The following SV2C variants were observed in gnomAD, a reference collection of about 807,000 sequenced individuals.
The protein encoded by SV2C is synaptic vesicle glycoprotein 2C, also known as solute carrier family 22 member B3.
Under a neutral mutation model 79.7 loss-of-function variants are expected in SV2C, and 49 were observed. The observed-to-expected ratio is 0.61, with a 90% CI of 0.49 to 0.78. The LOEUF is 0.78. Among genes scored for constraint, SV2C ranks in the 30% least tolerant of loss-of-function variants. SV2C has a pLI of 0.00. For synonymous variants in SV2C, 334 were observed against 333.2 expected, an observed-to-expected ratio of 1.00 and a Z score of -0.03; for missense variants, 833 against 912.9, an observed-to-expected ratio of 0.91 and a Z score of 1.13.
In SV2C at chr5:76,159,370, A is replaced by G. The variant is rs115722768; in HGVS notation, c.580+27040A>G. ...ATTTGCAAGTAACATAATCGTGTAT[A>G]TGGAAAATCCCAGGGACTCCACTAA... On this transcript the variant is annotated intron_variant, in intron 2 of 12. Coordinates refer to ENST00000502798, the MANE Select transcript of SV2C (RefSeq NM_014979.4). Among the ~76,000 whole-genome samples, 1,242 of 152,230 alleles carry G rather than the reference A, an allele frequency of 8.2e-3. 12 individuals are homozygous for G. Among genetic ancestry groups the G allele is most frequent in the African/African-American group, 0.026 (1,100 of 41,568 alleles).
chr5:76,200,108 C>T (rs187213652), intron 3 of SV2C, among the ~76,000 whole-genome samples: 5 of 152,298 alleles, frequency 3.3e-5, no homozygotes, highest in African/African-American at 1.2e-4. Context: ...CCAGTCAGAG[C>T]AGGGGCTTAT....
intron 6 of SV2C, among the ~76,000 whole-genome samples, chr5:76,290,504 A>G (rs1167810075): frequency 6.6e-6 from 1 of 152,094 alleles, no homozygotes; most frequent in African/African-American, 2.4e-5. Flanking sequence ...ATTTTTTTCT[A>G]TTTTCAGGAT....
chr5:75,915,130 A>G, the SV2C span, among the ~76,000 whole-genome samples: 1 of 152,178 alleles, frequency 6.6e-6, no homozygotes, highest in Non-Finnish European at 1.5e-5. Context: ...GAATTGTGGG[A>G]GTCACAATTC....
chr5:76,002,881 A>G, the SV2C span, among the ~76,000 whole-genome samples: 1 of 151,916 alleles, frequency 6.6e-6, no homozygotes, highest in South Asian at 2.1e-4. Context: ...TTTTTAAAAT[A>G]TGTAAATAAA....
chr5:76,111,429 A>G (rs538287069), intron 1 of SV2C, among the ~76,000 whole-genome samples: 2 of 152,348 alleles, frequency 1.3e-5, no homozygotes, highest in East Asian at 3.9e-4. Flanking sequence ...AGAAATTGAA[A>G]GAAGGTAAAG....
intron 4 of SV2C, among the ~76,000 whole-genome samples, chr5:76,238,462 T>C (rs781126601): frequency 6.6e-6 from 1 of 152,098 alleles, no homozygotes; most frequent in Non-Finnish European, 1.5e-5. Flanking sequence ...TGTCTGTCCT[T>C]CTGAGTTTCT....
At chr5:75,935,683 T>A in the SV2C span, among the ~76,000 whole-genome samples, 4 of 152,122 alleles carry the variant, frequency 2.6e-5, no homozygotes, top group Non-Finnish European at 5.9e-5. Context: ...AACGAATAAA[T>A]ATAGTATTAT....
At chr5:76,199,232 A>G (rs1363475221) in intron 3 of SV2C, among the ~76,000 whole-genome samples, 2 of 152,190 alleles carry the variant, frequency 1.3e-5, no homozygotes, top group Non-Finnish European at 2.9e-5. Context: ...ACCATGTTTT[A>G]TCTACTTAAA....
chr5:76,173,636 A>C (rs766222027), intron 2 of SV2C: 4 of 1,611,776 alleles, frequency 2.5e-6, no homozygotes, highest in Non-Finnish European at 2.5e-6. Context: ...ATATTAAAGC[A>C]GCTGACATGA....
chr5:75,878,558 C>T, the SV2C span, among the ~76,000 whole-genome samples: 1 of 152,130 alleles, frequency 6.6e-6, no homozygotes, highest in African/African-American at 2.4e-5. Flanking sequence ...TGAGTTCAAG[C>T]CCTAAACTAA....
At chr5:75,969,361 A>G in the SV2C span, among the ~76,000 whole-genome samples, 11 of 152,250 alleles carry the variant, frequency 7.2e-5, no homozygotes, top group Non-Finnish European at 1.5e-4. Flanking sequence ...AAGTTCTCCA[A>G]TTAAAAGACA....
At chr5:76,008,455 T>C in the SV2C span, among the ~76,000 whole-genome samples, 1 of 152,240 alleles carries the variant, frequency 6.6e-6, no homozygotes, top group Non-Finnish European at 1.5e-5. Flanking sequence ...TCAAGACCAT[T>C]TTTTCCTCGC....
the SV2C span, among the ~76,000 whole-genome samples, chr5:75,966,535 C>G: frequency 2.6e-5 from 4 of 152,178 alleles, no homozygotes; most frequent in Non-Finnish European, 5.9e-5. Context: ...AGTGCCATGA[C>G]AGTTTACAAA....
the SV2C span, among the ~76,000 whole-genome samples, chr5:75,947,805 CG>C: frequency 1.3e-5 from 2 of 151,956 alleles, no homozygotes; most frequent in Non-Finnish European, 2.9e-5. Flanking sequence ...TAATCACCCT[CG>C]GCATTATTGG....
chr5:76,175,543 CATG>C (rs1180402715), intron 2 of SV2C, among the ~76,000 whole-genome samples: 1 of 152,142 alleles, frequency 6.6e-6, no homozygotes, highest in Non-Finnish European at 1.5e-5. Context: ...AGAAGAGTAA[CATG>C]GTGCTAAAAT....
chr5:76,016,804 C>T, the SV2C span, among the ~76,000 whole-genome samples: 4 of 152,198 alleles, frequency 2.6e-5, no homozygotes, highest in Non-Finnish European at 5.9e-5. Flanking sequence ...GAAACATTGT[C>T]CTTTCATAAT....
intron 4 of SV2C, among the ~76,000 whole-genome samples, chr5:76,236,232 G>A (rs941913761): frequency 6.6e-6 from 1 of 152,114 alleles, no homozygotes; most frequent in African/African-American, 2.4e-5. Flanking sequence ...ACCTTTTATA[G>A]TCAATATTGA....
chr5:75,875,430 T>C, the SV2C span, among the ~76,000 whole-genome samples: 1 of 151,884 alleles, frequency 6.6e-6, no homozygotes, highest in African/African-American at 2.4e-5. Flanking sequence ...AAAAATCAAC[T>C]CAAGATGAAT....
intron 3 of SV2C, among the ~76,000 whole-genome samples, chr5:76,199,605 G>A (rs896367658): frequency 3.9e-5 from 6 of 152,172 alleles, no homozygotes; most frequent in African/African-American, 7.2e-5. Flanking sequence ...TGGGACTGTC[G>A]TCTTGTTCAA....
Sources: gnomAD v4.1 joint callset for allele counts (sites outside exome capture counted in the v4.1 genomes callset) on GRCh38, gnomAD v4.1.1 for gene constraint, MANE v1.5 for transcripts, NCBI Gene and HGNC (gene_info 2026-07-23, HGNC 2026-07-21) for gene names.